GRM8: variants seen among roughly 807,000 people sequenced by gnomAD.
GRM8 encodes metabotropic glutamate receptor 8.
Under a neutral mutation model 87.2 loss-of-function variants are expected in GRM8, and 47 were observed. The observed-to-expected ratio is 0.54, with a 90% CI of 0.43 to 0.69. GRM8 has a LOEUF of 0.69. GRM8 is among the 30% of genes least tolerant of loss of function. GRM8 has a pLI of 0.00. For synonymous variants in GRM8, 396 were observed against 404.5 expected (o/e 0.98, Z 0.25); for missense variants, 1,019 against 1,139.2 (o/e 0.89, Z 1.52).
chr7:126,936,323 A>G (rs1453537694), intron 3 of GRM8, among the ~76,000 whole-genome samples: 1 of 151,984 alleles, frequency 6.6e-6, no homozygotes, highest in African/African-American at 2.4e-5. Flanking sequence ...CTTTCCTATC[A>G]CTTTTCATGA....
chr7:126,587,059 C>A (rs575090738), intron 8 of GRM8, among the ~76,000 whole-genome samples: 16 of 152,190 alleles, frequency 1.1e-4, no homozygotes, highest in African/African-American at 3.4e-4. Context: ...TTATGCAGCC[C>A]ACAGACACAG....
chr7:127,133,375 G>T (rs1019345831), intron 2 of GRM8, among the ~76,000 whole-genome samples: 1 of 151,772 alleles, frequency 6.6e-6, no homozygotes, highest in African/African-American at 2.4e-5. Flanking sequence ...CTGAGGTCAC[G>T]CCATTGCACA....
At chr7:126,632,629 A>G (rs1181832602) in intron 7 of GRM8, among the ~76,000 whole-genome samples, 3 of 152,150 alleles carry the variant, frequency 2.0e-5, no homozygotes, top group African/African-American at 4.8e-5. Context: ...CATGCAATCA[A>G]CCTAAGTACC....
At chr7:127,160,577 G>A (rs1330409763) in intron 2 of GRM8, among the ~76,000 whole-genome samples, 1 of 152,020 alleles carries the variant, frequency 6.6e-6, no homozygotes, top group African/African-American at 2.4e-5. Context: ...ACACAGCAGA[G>A]CTGCAAAATC....
At chr7:126,738,344 T>C (rs1814475361) in intron 7 of GRM8, among the ~76,000 whole-genome samples, 1 of 152,030 alleles carries the variant, frequency 6.6e-6, no homozygotes, top group Admixed American at 6.6e-5. Flanking sequence ...GGGAATAAAA[T>C]GTTACTGAAA....
At chr7:126,945,459 T>C (rs188390087) in intron 3 of GRM8, among the ~76,000 whole-genome samples, 93 of 152,318 alleles carry the variant, frequency 6.1e-4, no homozygotes, top group African/African-American at 2.1e-3. Context: ...GCCATCATGG[T>C]GTCACAAGTA....
At chr7:126,579,994 T>C (rs1415752228) in intron 8 of GRM8, among the ~76,000 whole-genome samples, 4 of 151,684 alleles carry the variant, frequency 2.6e-5, no homozygotes, top group African/African-American at 9.7e-5. Flanking sequence ...TTATCCCATA[T>C]GAAAAAAAAA....
chr7:127,089,640 A>C (rs1043577760), intron 3 of GRM8, among the ~76,000 whole-genome samples: 2 of 152,218 alleles, frequency 1.3e-5, no homozygotes, highest in African/African-American at 4.8e-5. Context: ...ATTTACTCCT[A>C]TACTGTTTTA....
At chr7:127,203,771 A>C (rs1295552490) in intron 2 of GRM8, among the ~76,000 whole-genome samples, 1 of 151,750 alleles carries the variant, frequency 6.6e-6, no homozygotes, top group African/African-American at 2.4e-5. Context: ...GAAACCTCAA[A>C]AAAAAGGGGG....
At chr7:126,606,443 A>G (rs1158605031) in intron 8 of GRM8, among the ~76,000 whole-genome samples, 4 of 152,170 alleles carry the variant, frequency 2.6e-5, no homozygotes, top group Non-Finnish European at 4.4e-5. Flanking sequence ...TACTGTTTTC[A>G]TTTTAGACAT....
chr7:127,239,514 G>A (rs1798165949), intron 2 of GRM8, among the ~76,000 whole-genome samples: 1 of 152,120 alleles, frequency 6.6e-6, no homozygotes, highest in Non-Finnish European at 1.5e-5. Context: ...TGAGAAAACT[G>A]TCCTAAAACT....
chr7:127,162,446 C>T (rs577886333), intron 2 of GRM8, among the ~76,000 whole-genome samples: 15 of 152,290 alleles, frequency 9.8e-5, no homozygotes, highest in African/African-American at 3.6e-4. Context: ...AGGAAGATCC[C>T]AGGCCTTTTT....
At chr7:126,960,416 A>G (rs961368216) in intron 3 of GRM8, among the ~76,000 whole-genome samples, 6 of 152,224 alleles carry the variant, frequency 3.9e-5, no homozygotes, top group Non-Finnish European at 7.4e-5. Context: ...AATAGTTTTC[A>G]TTATCAAAAG....
At chr7:126,775,417 G>A (rs930827578) in intron 6 of GRM8, among the ~76,000 whole-genome samples, 1 of 147,522 alleles carries the variant, frequency 6.8e-6, no homozygotes, top group Admixed American at 6.8e-5. Flanking sequence ...TTAAATCCAT[G>A]AGAACCATGC....
chr7:127,121,454 G>A (rs551388177), intron 2 of GRM8, among the ~76,000 whole-genome samples: 2 of 152,204 alleles, frequency 1.3e-5, no homozygotes, highest in East Asian at 3.9e-4. Context: ...AGAAGGAATG[G>A]AATCCCCCTC....
chr7:126,745,805 G>A (rs1208562719), intron 7 of GRM8, among the ~76,000 whole-genome samples: 1 of 151,534 alleles, frequency 6.6e-6, no homozygotes, highest in Non-Finnish European at 1.5e-5. Context: ...CTCTTACCTT[G>A]TGTTTCTCTC....
rs201626361 is a variant in GRM8, at chr7:126,758,866, C to A, written c.1357+10999G>T. 1.4e-4 allele frequency among the ~76,000 whole-genome samples: 22 copies of A among 151,984 alleles called. No individual in the cohort carries two copies. The East Asian group carries it at 4.1e-3, about 28-fold the overall frequency. ...GCACAATAATTTAAAGGAATTTTTT[C>A]ATTAATGTCCCTCACTTTTTCTTTC... On this transcript the variant is annotated intron_variant, in intron 7 of 10. Coordinates refer to ENST00000339582, the MANE Select transcript of GRM8 (RefSeq NM_000845.3).
intron 6 of GRM8, among the ~76,000 whole-genome samples, chr7:126,868,613 A>G (rs1198490645): frequency 1.3e-5 from 2 of 152,240 alleles, no homozygotes; most frequent in Non-Finnish European, 2.9e-5. Flanking sequence ...TTTGTTCTAG[A>G]CTACCACAAT....
At chr7:126,476,215 G>A (rs973950099) in intron 9 of GRM8, among the ~76,000 whole-genome samples, 1 of 152,078 alleles carries the variant, frequency 6.6e-6, no homozygotes, top group Non-Finnish European at 1.5e-5. Flanking sequence ...AAGTTATGTT[G>A]TTTTGAGGCT....
Sources: gnomAD v4.1 joint callset for allele counts (sites outside exome capture counted in the v4.1 genomes callset) on GRCh38, gnomAD v4.1.1 for gene constraint, MANE v1.5 for transcripts, NCBI Gene and HGNC (gene_info 2026-07-23, HGNC 2026-07-21) for gene names.